Variants in SLC30A10 observed in about 807,000 individuals in gnomAD.
SLC30A10 encodes the protein calcium/manganese antiporter SLC30A10.
Under a neutral mutation model 21.7 loss-of-function variants are expected in SLC30A10, and 8 were observed. The observed-to-expected ratio is 0.37, with a 90% CI of 0.22 to 0.67. The LOEUF (loss-of-function observed/expected upper bound fraction) is 0.67, where lower values mean the gene tolerates loss of function less well. SLC30A10 is among the 30% of genes least tolerant of loss of function. SLC30A10 has a pLI of 0.58. For synonymous variants in SLC30A10, 272 were observed against 279.4 expected, an observed-to-expected ratio of 0.97 and a Z score of 0.26; for missense variants, 521 against 642.5, an observed-to-expected ratio of 0.81 and a Z score of 2.04.
intron 1 of SLC30A10, among the ~76,000 whole-genome samples, chr1:219,948,989 C>T (rs1660230596): frequency 6.6e-6 from 1 of 151,784 alleles, no homozygotes; most frequent in Non-Finnish European, 1.5e-5. Context: ...ATTTATGCAG[C>T]CAAAAAACAC....
At chr1:219,931,800 C>A (rs572582857), upstream of SLC30A10, among the ~76,000 whole-genome samples, 201 of 152,240 alleles carry the variant, frequency 1.3e-3, no homozygotes, top group African/African-American at 4.7e-3. Context: ...TACTTAACAG[C>A]AAATTGTGAG....
rs1048257832 is a variant in SLC30A10 at position 219,911,067 on chromosome 1, A to G, written c.*4382T>C. 6.6e-5 allele frequency among the ~76,000 whole-genome samples: 10 copies of G among 151,170 alleles called. No homozygotes were observed. The East Asian group carries it at 7.8e-4, about 12-fold the overall frequency. ...ACACTTTATCAGGTGCATGACTTCT[A>G]TAGAGCAGGCATGCAGTCCGCGATC... is the stretch of plus-strand genomic sequence containing the variant. On this transcript the variant is annotated 3_prime_UTR_variant, in exon 4 of 4. Coordinates refer to ENST00000366926, the MANE Select transcript of SLC30A10 (RefSeq NM_018713.3).
chr1:219,915,631 T>C lies in SLC30A10; in HGVS notation c.1276A>G (p.Asn426Asp). Reference sequence around the variant, plus strand: ...CCACCATTGTGCTCAGCACAGCCATTGACGTGAGCCAGAGGCAGTGCCCCG... The same window carrying C: ...CCACCATTGTGCTCAGCACAGCCATCGACGTGAGCCAGAGGCAGTGCCCCG... The part of the protein sequence containing the change: ...PPGALPLAHV[N>D]GCAEHNGGPS... Residue 426 changes from asparagine (N) to aspartate (D), a missense_variant, in exon 4 of 4, where the codon AAT (asparagine) becomes GAT (aspartate). Physicochemically the swap from Asn to Asp is conservative, Grantham distance 23. Coordinates refer to ENST00000366926, the MANE Select transcript of SLC30A10 (RefSeq NM_018713.3). The C allele has an allele frequency of 1.2e-6, 2 of 1,614,216 alleles. No homozygotes were observed. The highest frequency in any genetic ancestry group is 2.7e-5 in the African/African-American group (2 of 75,058).
At chr1:219,922,176 GTTTTTTTTTTTTTTTTTTTTTT>G (rs869249213) in intron 2 of SLC30A10, among the ~76,000 whole-genome samples, 6 of 36,454 alleles carry the variant, frequency 1.6e-4, no homozygotes, top group African/African-American at 4.4e-4. Context: ...GTGTGTGTGT[GTTTTTTTTTTTTTTTTTTTTTT>G]TTTTTTTTTT....
intron 1 of SLC30A10, among the ~76,000 whole-genome samples, chr1:219,953,986 G>A (rs1019184331): frequency 6.6e-6 from 1 of 152,088 alleles, no homozygotes; most frequent in Non-Finnish European, 1.5e-5. Flanking sequence ...GATTACAGGC[G>A]TGAGCCACCG....
In SLC30A10 at chr1:219,915,734, C is replaced by A; in HGVS notation, c.1173G>T (p.Leu391=). 6.2e-7 allele frequency: 1 copy of A among 1,614,190 alleles called. No homozygotes were observed. Among genetic ancestry groups the A allele is most frequent in the Non-Finnish European group, 8.5e-7 (1 of 1,180,032 alleles). The stretch of plus-strand genomic sequence containing the variant: ...AGAGCAACAGTAAGTCCTTCTGCTC[C>A]AGGGGTTCCTTCAAGTCCACATTTT... ...QFENVDLKEP[L]EQKDLLLLCN... Residue 391 remains leucine (L), a synonymous_variant, in exon 4 of 4, where the codon CTG becomes CTT. Transcript: ENST00000366926.
At chr1:219,954,725 A>AT (rs1291302648) in intron 1 of SLC30A10, among the ~76,000 whole-genome samples, 6 of 150,942 alleles carry the variant, frequency 4.0e-5, no homozygotes, top group East Asian at 1.9e-4. Flanking sequence ...AAGGAAAGGC[A>AT]TTTTTTTAAG....
At chr1:219,930,174 AC>A (rs1298504028), upstream of SLC30A10, among the ~76,000 whole-genome samples, 1 of 151,132 alleles carries the variant, frequency 6.6e-6, no homozygotes, top group African/African-American at 2.5e-5. Context: ...AAACAAACAA[AC>A]AAAAAAAAAA....
At position 219,910,870 on chromosome 1, in the gene SLC30A10, G is replaced by GA. The variant is rs1430582419; in HGVS notation, c.*4578dup. ...AAAACACATGAAAAGAGAAGCACCA[G>GA]AAAATGACTCGTCTGCATTATCTAA... On this transcript the variant is annotated 3_prime_UTR_variant, in exon 4 of 4. Coordinates refer to ENST00000366926, the MANE Select transcript of SLC30A10 (RefSeq NM_018713.3). 6.6e-6 allele frequency among the ~76,000 whole-genome samples: 1 copy of GA among 152,172 alleles called. No individual in the cohort carries two copies. Among genetic ancestry groups the GA allele is most frequent in the African/African-American group, 2.4e-5 (1 of 41,444 alleles).
At chr1:219,944,787 C>G (rs1366125609) in intron 1 of SLC30A10, among the ~76,000 whole-genome samples, 1 of 151,996 alleles carries the variant, frequency 6.6e-6, no homozygotes, top group Non-Finnish European at 1.5e-5. Flanking sequence ...AAATAATGTT[C>G]ACAGAAGCCA....
intron 1 of SLC30A10, among the ~76,000 whole-genome samples, chr1:219,945,638 GA>G (rs1303024354): frequency 6.6e-6 from 1 of 152,182 alleles, no homozygotes; most frequent in Non-Finnish European, 1.5e-5. Flanking sequence ...TGCAGAAGGA[GA>G]AAGTACAAGG....
intron 1 of SLC30A10, among the ~76,000 whole-genome samples, chr1:219,951,153 T>C (rs1660265177): frequency 6.6e-6 from 1 of 151,786 alleles, no homozygotes; most frequent in Non-Finnish European, 1.5e-5. Flanking sequence ...TAGAGGTGAG[T>C]CCTCGCTATG....
intron 1 of SLC30A10, among the ~76,000 whole-genome samples, chr1:219,949,546 G>T (rs1660238115): frequency 6.6e-6 from 1 of 152,022 alleles, no homozygotes; most frequent in African/African-American, 2.4e-5. Context: ...TCATAGGTGG[G>T]AATTGAACAA....
upstream of SLC30A10, among the ~76,000 whole-genome samples, chr1:219,932,599 C>A (rs1015363884): frequency 2.6e-5 from 4 of 151,202 alleles, no homozygotes; most frequent in African/African-American, 9.7e-5. Flanking sequence ...ACGTCTGTAA[C>A]CTTTTGTACA....
intron 1 of SLC30A10, among the ~76,000 whole-genome samples, chr1:219,938,933 C>T (rs1660081173): frequency 6.6e-6 from 1 of 152,172 alleles, no homozygotes. Flanking sequence ...TTATTGGCTA[C>T]AGAAGAATGC....
Position 219,927,936 on chromosome 1 carries a change from C to T in SLC30A10, c.505G>A (p.Gly169Arg). 2 of 1,538,124 alleles carry T rather than the reference C, an allele frequency of 1.3e-6. No individual in the cohort carries two copies. The highest frequency in any genetic ancestry group is 1.7e-4 in the Middle Eastern group (1 of 5,918). Residue 169 changes from glycine to arginine, a missense_variant, in exon 1 of 4, where the codon GGG (glycine) becomes AGG (arginine). Coordinates refer to ENST00000366926, the MANE Select transcript of SLC30A10 (RefSeq NM_018713.3). ...AEGCVPGAFG[G>R]PQGAEDPRRA... Reference sequence around the variant, plus strand: ...CGCGGGTCCTCCGCGCCCTGAGGCCCCCCGAAAGCGCCGGGGACACAGCCC... The same window carrying T: ...CGCGGGTCCTCCGCGCCCTGAGGCCTCCCGAAAGCGCCGGGGACACAGCCC...
chr1:219,927,876 A>C lies in SLC30A10; in HGVS notation c.565T>G (p.Ser189Ala), dbSNP rs1371997757. 9 of 1,543,154 alleles carry C rather than the reference A, an allele frequency of 5.8e-6. No individual in the cohort carries two copies. The highest frequency in any genetic ancestry group is 7.9e-6 in the Non-Finnish European group (9 of 1,144,806). ...GAGGTCCCCCGGAGGGTTACGGCCG[A>C]GTCCGAGCCTGGGGCTGTCGGGTCC... ...AADPTAPGSD[S>A]AVTLRGTSVE... The change falls in exon 1 of 4, where the codon TCG becomes GCG. Residue 189 changes from serine (S) to alanine (A), a missense_variant. Physicochemically the swap from Ser to Ala is moderately conservative, Grantham distance 99. Transcript: ENST00000366926.
chr1:219,927,659 AAAAAAAAAAC>A lies in SLC30A10; in HGVS notation c.640+132_640+141del, dbSNP rs1659866997. On this transcript the variant is annotated intron_variant, in intron 1 of 3. Coordinates refer to ENST00000366926, the MANE Select transcript of SLC30A10 (RefSeq NM_018713.3). ...TTATTAAAAAAAAAAAAAAAAAAAA[AAAAAAAAAAC>A]AACAACAACAAAAAAAAAAAAACAG... is the stretch of plus-strand genomic sequence containing the variant. The A allele has an allele frequency of 8.5e-6, 5 of 586,782 alleles. No homozygotes were observed. The African/African-American group carries it at 2.3e-4, about 27-fold the overall frequency. 36.3% of individuals were successfully genotyped at this position (586,782 alleles called of 1,614,324 possible).
intron 1 of SLC30A10, among the ~76,000 whole-genome samples, chr1:219,936,985 T>G (rs1391148543): frequency 6.6e-6 from 1 of 152,218 alleles, no homozygotes; most frequent in Non-Finnish European, 1.5e-5. Flanking sequence ...CTCATCTTGA[T>G]TCACATTTTG....
Sources: allele counts gnomAD v4.1 joint callset (sites outside exome capture counted in the v4.1 genomes callset), GRCh38; gene constraint gnomAD v4.1.1; transcripts MANE v1.5; gene names NCBI Gene and HGNC (gene_info 2026-07-23, HGNC 2026-07-21).